The following ADAP1 variants were observed in gnomAD, a reference collection of about 807,000 sequenced individuals.
ADAP1 encodes the protein ArfGAP with dual PH domains 1, also known as arf-GAP with dual PH domain-containing protein 1.
A neutral mutation model predicts 54.9 loss-of-function variants in ADAP1; 31 were observed. The ratio of observed to expected loss-of-function variants is 0.56; its 90% confidence interval spans 0.42 to 0.76. The LOEUF (loss-of-function observed/expected upper bound fraction) is 0.76, where lower values mean the gene tolerates loss of function less well. ADAP1 is among the 30% of genes least tolerant of loss of function. ADAP1 has a pLI of 0.00. For synonymous variants in ADAP1, 313 were observed against 202.6 expected (o/e 1.55, Z -4.63); for missense variants, 535 against 512.4 (o/e 1.04, Z -0.42).
At chr7:909,799 C>G (rs1283350196) in intron 4 of ADAP1, among the ~76,000 whole-genome samples, 2 of 152,160 alleles carry the variant, frequency 1.3e-5, no homozygotes, top group East Asian at 1.9e-4. Context: ...AAACAGCTAC[C>G]GCGTGCCGCG....
chr7:903,236 C>T (rs921964545), intron 6 of ADAP1, among the ~76,000 whole-genome samples: 2 of 152,126 alleles, frequency 1.3e-5, no homozygotes, highest in African/African-American at 2.4e-5. Context: ...GGGGCTGCAC[C>T]CGACTCGGCC....
Position 899,440 on chromosome 7 carries a change from G to A in ADAP1, c.846C>T (p.Leu282=), listed in dbSNP as rs368985148. 6.2e-7 allele frequency: 1 copy of A among 1,613,168 alleles called. No homozygotes were observed. The highest frequency in any genetic ancestry group is 1.1e-5 in the South Asian group (1 of 91,090). ...KRWFTMDDRR[L]MYFKDPLDAF... ...TTACCAGGGGGTCTTTGAAGTACAT[G>A]AGCCTGCGGTCATCCATGGTGAACC... The change falls in exon 9 of 11, where the codon CTC becomes CTT. Residue 282 remains leucine (L), a synonymous_variant. Transcript: ENST00000265846.
intron 4 of ADAP1, among the ~76,000 whole-genome samples, chr7:911,821 C>T (rs1390837130): frequency 6.6e-6 from 1 of 151,788 alleles, no homozygotes; most frequent in Non-Finnish European, 1.5e-5. Flanking sequence ...GGGGGACCCA[C>T]GGAGGGCCAG....
At position 905,156 on chromosome 7, in the gene ADAP1, A is replaced by G; in HGVS notation, c.405T>C (p.Phe135=). ...CGTTGTCCCGGCCACGCTTCCAGAG[A>G]AAACCCTCACGGTACCCTGTGGGGG... ...EPYSAGYREG[F]LWKRGRDNGQ... is the part of the protein sequence containing the mutation. The change falls in exon 5 of 11, where the codon TTT becomes TTC. Residue 135 remains phenylalanine, a synonymous_variant. Transcript: ENST00000265846. The G allele has an allele frequency of 1.2e-6, 2 of 1,612,150 alleles. No homozygotes were observed. Among genetic ancestry groups the G allele is most frequent in the Non-Finnish European group, 1.7e-6 (2 of 1,179,894 alleles).
intron 4 of ADAP1, chr7:905,703 A>AAAGGG (rs1562912658): frequency 7.2e-5 from 1 of 13,838 alleles, no homozygotes; most frequent in Non-Finnish European, 1.1e-4. Flanking sequence ...AGGAGAAAGG[A>AAAGGG]GAAAGGAGAA....
At chr7:949,687 G>T (rs1847223211) in intron 1 of ADAP1, among the ~76,000 whole-genome samples, 1 of 152,200 alleles carries the variant, frequency 6.6e-6, no homozygotes, top group African/African-American at 2.4e-5. Context: ...GGCTGAAGTT[G>T]GGGGGAGCCT....
chr7:913,223 C>T (rs1457301340), intron 4 of ADAP1, among the ~76,000 whole-genome samples: 5 of 99,304 alleles, frequency 5.0e-5, no homozygotes, highest in East Asian at 3.2e-4. Flanking sequence ...TTTTTTGAGA[C>T]GGAGTCTCGC....
rs2885524 is a variant in ADAP1 at position 912,310 on chromosome 7, C to T, written c.389-7138G>A. 6.1e-3 allele frequency among the ~76,000 whole-genome samples: 924 copies of T among 152,346 alleles called. 6 individuals carry two copies. The highest frequency in any genetic ancestry group is 8.3e-3 in the Non-Finnish European group (567 of 68,018). On this transcript the variant is annotated intron_variant, in intron 4 of 10. Coordinates refer to ENST00000265846, the MANE Select transcript of ADAP1 (RefSeq NM_006869.4). ...GGCATTGTCCAGGCCCCTGTGAAAG[C>T]CGCCATTGAGGCTGCGGCCCGAGGC...
intron 3 of ADAP1, among the ~76,000 whole-genome samples, chr7:925,242 C>T (rs1846341900): frequency 6.6e-6 from 1 of 152,044 alleles, no homozygotes; most frequent in Admixed American, 6.5e-5. Flanking sequence ...CCCGAAGACC[C>T]CGGGAGGGCC....
chr7:905,292 C>CGGACAGGGGGAG (rs1845069923), intron 4 of ADAP1, 120 bp from the exon 5 acceptor site: 6 of 277,860 alleles, frequency 2.2e-5, no homozygotes, highest in South Asian at 6.4e-5. Flanking sequence ...GGACGGGGGA[C>CGGACAGGGGGAG]ACGGACAGGG....
In ADAP1 at chr7:935,401, C is replaced by G; in HGVS notation, c.187G>C (p.Asp63His). ...TCCACTTGGGCCTCCTCCCAGGCGT[C>G]CAGGCGGACGGACTTCACCTTGCTG... ...QVSKVKSVRL[D>H]AWEEAQVEFM... is the part of the protein sequence containing the mutation. Residue 63 changes from aspartate (D) to histidine (H), a missense_variant, in exon 2 of 11, where the codon GAC (aspartate) becomes CAC (histidine). Physicochemically the swap from Asp to His is moderately conservative, Grantham distance 81. Transcript: ENST00000265846. 2 of 1,560,836 alleles carry G rather than the reference C, an allele frequency of 1.3e-6. No individual in the cohort carries two copies. Among genetic ancestry groups the G allele is most frequent in the Non-Finnish European group, 1.7e-6 (2 of 1,152,204 alleles).
rs368816837 is a variant in ADAP1, at chr7:920,056, G to C, written c.306-6C>G. ...TCCACTGCTCTCGAAGGAGCCTGTG[G>C]GGAGAGGAGAGACTGAGCCACTGGG... is the stretch of plus-strand genomic sequence containing the variant. On this transcript the variant is annotated splice_region_variant and splice_polypyrimidine_tract_variant and intron_variant, in intron 3 of 10. Transcript: ENST00000265846. This position sits in a 1 kb window ranked among gnomAD's most constrained non-coding sequence, Gnocchi z 4.5. 1 of 1,604,586 alleles carries C rather than the reference G, an allele frequency of 6.2e-7. No homozygotes were observed. Among genetic ancestry groups the C allele is most frequent in the South Asian group, 1.1e-5 (1 of 90,952 alleles).
intron 1 of ADAP1, among the ~76,000 whole-genome samples, chr7:953,841 C>G (rs1281394349): frequency 6.6e-6 from 1 of 152,188 alleles, no homozygotes; most frequent in Non-Finnish European, 1.5e-5. Flanking sequence ...GGCCCCACCT[C>G]TCCCAGGCCT....
chr7:904,309 C>A (rs200319541), intron 5 of ADAP1, 37 bp from the exon 6 acceptor site: 17 of 1,530,416 alleles, frequency 1.1e-5, no homozygotes, highest in East Asian at 9.5e-5. Flanking sequence ...TCACAGGGGC[C>A]GTCGTCCAAG....
At chr7:906,828 G>A (rs1845480173) in intron 4 of ADAP1, among the ~76,000 whole-genome samples, 4 of 126,324 alleles carry the variant, frequency 3.2e-5, no homozygotes. Context: ...GTCAGATGGT[G>A]ATGGTGGATG....
intron 3 of ADAP1, among the ~76,000 whole-genome samples, chr7:924,630 G>A (rs560713159): frequency 2.6e-4 from 39 of 150,466 alleles, no homozygotes; most frequent in South Asian, 1.1e-3. Flanking sequence ...AGCATCCACG[G>A]CTCATACAGG....
chr7:911,665 G>A (rs1845729209), intron 4 of ADAP1, among the ~76,000 whole-genome samples: 1 of 430 alleles, frequency 2.3e-3, no homozygotes, highest in Admixed American at 6.8e-3. Flanking sequence ...GGGGGCGGGG[G>A]TCCCACGGAG....
chr7:905,745 A>AAAGGAGT (rs1845213786), intron 4 of ADAP1: 1 of 55,990 alleles, frequency 1.8e-5, no homozygotes, highest in Non-Finnish European at 3.5e-5. Context: ...GGGAAAGGAG[A>AAAGGAGT]AGGGAGAAGG....
Position 920,109 on chromosome 7 carries a change from C to G in ADAP1, c.306-59G>C. The G allele has an allele frequency of 2.6e-6, 4 of 1,518,352 alleles. No homozygotes were observed. The highest frequency in any genetic ancestry group is 1.8e-4 in the Middle Eastern group (1 of 5,552). The allele number at this position is 1,518,352 out of a possible 1,614,324, so 94.1% of individuals were successfully genotyped here. On this transcript the variant is annotated intron_variant, in intron 3 of 10. Coordinates refer to ENST00000265846, the MANE Select transcript of ADAP1 (RefSeq NM_006869.4). This position sits in a 1 kb window ranked among gnomAD's most constrained non-coding sequence, Gnocchi z 4.5. ...AAGGCGGCCTCCGACCCAGCACACG[C>G]CGCTCTCTGGCCCGGACCCTGGACA...
Sources: gnomAD v4.1 joint callset for allele counts (sites outside exome capture counted in the v4.1 genomes callset) on GRCh38, gnomAD v4.1.1 for gene constraint, Gnocchi (gnomAD v3.1) non-coding constraint, MANE v1.5 for transcripts, NCBI Gene and HGNC (gene_info 2026-07-23, HGNC 2026-07-21) for gene names.